The following AFF3 variants were observed in gnomAD, a reference collection of about 807,000 sequenced individuals.
AFF3 encodes AF4/FMR2 family member 3.
In AFF3, 32 loss-of-function variants were observed where a neutral mutation model predicts 129.7. The ratio of observed to expected loss-of-function variants is 0.25; its 90% CI spans 0.19 to 0.33. AFF3 has a LOEUF of 0.33. AFF3 is among the 10% of genes least tolerant of loss of function. The probability of loss-of-function intolerance (pLI) is 1.00; values close to 1 mark genes in which losing one functional copy is unlikely to be tolerated. For synonymous variants in AFF3, 644 were observed against 635.4 expected (o/e 1.01, Z -0.20); for missense variants, 1,373 against 1,592.0 (o/e 0.86, Z 2.34).
intron 7 of AFF3, among the ~76,000 whole-genome samples, chr2:99,903,999 T>C (rs966769583): frequency 6.6e-6 from 1 of 152,176 alleles, no homozygotes; most frequent in Non-Finnish European, 1.5e-5. Context: ...AACTGTTTTA[T>C]ATATCTTCTT....
chr2:99,670,535 CTGTG>C lies in AFF3; in HGVS notation c.1143+1999_1143+2002del, dbSNP rs34684988. Among the ~76,000 whole-genome samples, 194 of 149,874 alleles carry C rather than the reference CTGTG, an allele frequency of 1.3e-3. 1 individual carries two copies. The highest frequency in any genetic ancestry group is 4.0e-3 in the African/African-American group (163 of 40,860). ...AATGCCAGGGAATGAGTGTATGTGTCTGTGTGTGTGTGTGTGTGTGTTCGTGCAC... is the reference window on the plus strand; with the variant it reads ...AATGCCAGGGAATGAGTGTATGTGTCTGTGTGTGTGTGTGTGTTCGTGCAC... On this transcript the variant is annotated intron_variant, in intron 12 of 24. Coordinates refer to ENST00000672756, the MANE Select transcript of AFF3 (RefSeq NM_001386135.1).
Position 99,672,175 on chromosome 2 carries a change from T to TACACACACACAC in AFF3, c.1143+362_1143+363insGTGTGTGTGTGT, listed in dbSNP as rs1558728727. The stretch of plus-strand genomic sequence containing the variant: ...TTTGATCTCCAGAAGGCCAGTTAGC[T>TACACACACACAC]TCTCACACACACACACACACACACA... On this transcript the variant is annotated intron_variant, in intron 12 of 24. Coordinates refer to ENST00000672756, the MANE Select transcript of AFF3 (RefSeq NM_001386135.1). Among the ~76,000 whole-genome samples the TACACACACACAC allele has an allele frequency of 7.2e-5, 10 of 139,628 alleles. No homozygotes were observed. In the East Asian group the frequency reaches 1.5e-3, roughly 20 times the overall value. 91.6% of individuals were successfully genotyped at this position (139,628 alleles called of 152,430 possible).
chr2:99,812,293 T>A (rs765188378), intron 8 of AFF3, among the ~76,000 whole-genome samples: 15 of 152,160 alleles, frequency 9.9e-5, no homozygotes, highest in Non-Finnish European at 1.9e-4. Flanking sequence ...ACAAATAAGA[T>A]GTTACTTCTG....
chr2:100,121,865 A>C (rs958501471), intron 2 of AFF3, among the ~76,000 whole-genome samples: 12 of 151,996 alleles, frequency 7.9e-5, no homozygotes, highest in African/African-American at 2.9e-4. Flanking sequence ...GATCGAGACC[A>C]TCCTGGCTAA....
intron 13 of AFF3, among the ~76,000 whole-genome samples, chr2:99,644,179 C>T (rs564290354): frequency 6.6e-6 from 1 of 152,336 alleles, no homozygotes; most frequent in Admixed American, 6.5e-5. Flanking sequence ...GATGGGCAGA[C>T]AGGTTACAGT....
intron 8 of AFF3, among the ~76,000 whole-genome samples, chr2:99,767,329 A>G (rs112375282): frequency 7.9e-5 from 12 of 152,360 alleles, no homozygotes; most frequent in African/African-American, 2.9e-4. Flanking sequence ...GCATTTTGGC[A>G]AAGAAGAAGC....
chr2:99,701,051 G>C (rs929979317), intron 11 of AFF3, among the ~76,000 whole-genome samples: 2 of 152,214 alleles, frequency 1.3e-5, no homozygotes, highest in Non-Finnish European at 2.9e-5. Flanking sequence ...TCCAGGACCA[G>C]AGTACTAGGC....
chr2:99,863,100 TAAAG>T (rs1476318608), intron 7 of AFF3, among the ~76,000 whole-genome samples: 3 of 152,254 alleles, frequency 2.0e-5, no homozygotes, highest in African/African-American at 4.8e-5. Context: ...CCTTGCTCAA[TAAAG>T]ACTCTACTAT....
At chr2:99,749,542 C>G (rs1307001216) in intron 9 of AFF3, among the ~76,000 whole-genome samples, 1 of 152,206 alleles carries the variant, frequency 6.6e-6, no homozygotes, top group Non-Finnish European at 1.5e-5. Context: ...ATTATCTTGG[C>G]TAGATTACGT....
At chr2:99,909,174 A>G (rs1332401713) in intron 7 of AFF3, among the ~76,000 whole-genome samples, 1 of 152,006 alleles carries the variant, frequency 6.6e-6, no homozygotes, top group African/African-American at 2.4e-5. Context: ...TGATGAGTTC[A>G]TGTCCTTTGT....
At position 99,557,066 on chromosome 2, in the gene AFF3, A is replaced by G. The variant is rs1180789957; in HGVS notation, c.3285+1809T>C. On this transcript the variant is annotated intron_variant, in intron 22 of 24. Transcript: ENST00000672756. ...AAAAGAATCGATTTTAAATGTTCCC[A>G]TCACAAAAACGGTAAGTATGTGAGG... 2.6e-5 allele frequency among the ~76,000 whole-genome samples: 4 copies of G among 152,324 alleles called. No individual in the cohort carries two copies. The South Asian group carries it at 8.3e-4, about 32-fold the overall frequency.
chr2:99,676,272 A>C (rs1188619456), intron 11 of AFF3, among the ~76,000 whole-genome samples: 2 of 152,036 alleles, frequency 1.3e-5, no homozygotes, highest in Admixed American at 6.6e-5. Flanking sequence ...AGCAGCTCTC[A>C]TTGTTTAAGG....
chr2:99,726,916 G>GC (rs1365056000), intron 11 of AFF3, among the ~76,000 whole-genome samples, 161 bp downstream of exon 11: 5 of 152,210 alleles, frequency 3.3e-5, no homozygotes, highest in African/African-American at 7.2e-5. Context: ...CATAAAAAAT[G>GC]CATCTGCACC....
chr2:99,754,399 C>A (rs1373915504), intron 8 of AFF3, among the ~76,000 whole-genome samples: 1 of 152,166 alleles, frequency 6.6e-6, no homozygotes, highest in African/African-American at 2.4e-5. Context: ...TTGCGAAGTA[C>A]AAACTAATTA....
intron 7 of AFF3, among the ~76,000 whole-genome samples, chr2:99,988,977 A>G (rs1036788945): frequency 1.3e-5 from 2 of 152,196 alleles, no homozygotes; most frequent in African/African-American, 4.8e-5. Flanking sequence ...GAGAGAGCCC[A>G]CTCAAGAGAC....
intron 15 of AFF3, among the ~76,000 whole-genome samples, chr2:99,591,823 C>T (rs998869062): frequency 2.0e-5 from 3 of 152,196 alleles, no homozygotes; most frequent in African/African-American, 7.2e-5. Flanking sequence ...CCCTTAGGAC[C>T]TATGTAACCT....
chr2:99,622,200 G>A (rs923856908), intron 13 of AFF3, among the ~76,000 whole-genome samples: 5 of 152,118 alleles, frequency 3.3e-5, no homozygotes, highest in East Asian at 1.9e-4. Context: ...GGGTGGGTGC[G>A]TTCTCCTCCA....
Position 99,738,995 on chromosome 2 carries a change from T to C in AFF3, c.1039+5109A>G, listed in dbSNP as rs376161823. ...TTCTCTCTTTGGTATTAGTTCTCAG[T>C]GAGGAGTGAACTGTTCAATTTTTTT... On this transcript the variant is annotated intron_variant, in intron 10 of 24. Transcript: ENST00000672756. Among the ~76,000 whole-genome samples, 14 of 146,552 alleles carry C rather than the reference T, an allele frequency of 9.6e-5. 1 individual carries two copies. Among genetic ancestry groups the C allele is most frequent in the African/African-American group, 3.3e-4 (13 of 39,244 alleles).
chr2:99,947,465 A>G lies in AFF3; in HGVS notation c.873+59167T>C, dbSNP rs187774326. 1.9e-3 allele frequency among the ~76,000 whole-genome samples: 285 copies of G among 151,364 alleles called. 1 individual carries two copies. Among genetic ancestry groups the G allele is most frequent in the South Asian group, 3.3e-3 (16 of 4,788 alleles). ...CCAAAGATAGAAAGACAGGAAAGACAGGAAAGACAGATAGACAGACAGAAA... is the reference window on the plus strand; with the variant it reads ...CCAAAGATAGAAAGACAGGAAAGACGGGAAAGACAGATAGACAGACAGAAA... On this transcript the variant is annotated intron_variant, in intron 7 of 24. Coordinates refer to ENST00000672756, the MANE Select transcript of AFF3 (RefSeq NM_001386135.1).
Sources: gnomAD v4.1 joint callset for allele counts (sites outside exome capture counted in the v4.1 genomes callset) on GRCh38, gnomAD v4.1.1 for gene constraint, MANE v1.5 for transcripts, NCBI Gene and HGNC (gene_info 2026-07-23, HGNC 2026-07-21) for gene names.